LETM1: variants seen among roughly 807,000 people sequenced by gnomAD.
LETM1 encodes the protein mitochondrial proton/calcium exchanger protein.
Under a neutral mutation model 74.5 loss-of-function variants are expected in LETM1, and 50 were observed. The ratio of observed to expected loss-of-function variants is 0.67; its 90% confidence interval spans 0.53 to 0.85. The LOEUF is 0.85. LETM1 is among the 40% of genes least tolerant of loss of function. The pLI, the probability that LETM1 is intolerant of heterozygous loss-of-function variation, is 0.00. For synonymous variants in LETM1, 446 were observed against 407.1 expected, an observed-to-expected ratio of 1.10 and a Z score of -1.15; for missense variants, 824 against 967.8, an observed-to-expected ratio of 0.85 and a Z score of 1.97.
rs1156793086 is a variant in LETM1, at chr4:1,850,358, G to A, written c.83-1149C>T. Among the ~76,000 whole-genome samples the A allele has an allele frequency of 5.9e-4, 89 of 152,108 alleles. 1 individual carries two copies. Among genetic ancestry groups the A allele is most frequent in the Admixed American group, 5.7e-3 (87 of 15,266 alleles). On this transcript the variant is annotated intron_variant, in intron 1 of 13. Transcript: ENST00000302787. ...ATCCTGACTCCAGACACCCCAAGAG[G>A]GAAGCCAAGCAGGCCAGCCCTAGGG...
chr4:1,823,533 G>T, intron 8 of LETM1, 111 bp downstream of exon 8: 1 of 1,361,314 alleles, frequency 7.3e-7, no homozygotes. Context: ...TGGGAGGCAG[G>T]CTCCTCGCCC....
chr4:1,848,051 A>T (rs1283781002), intron 2 of LETM1, among the ~76,000 whole-genome samples: 1 of 152,042 alleles, frequency 6.6e-6, no homozygotes, highest in Non-Finnish European at 1.5e-5. Flanking sequence ...AAAAGACATA[A>T]GAAAACCAAT....
chr4:1,826,033 G>A (rs531462118), intron 6 of LETM1, among the ~76,000 whole-genome samples: 3 of 152,276 alleles, frequency 2.0e-5, no homozygotes, highest in South Asian at 2.1e-4. Flanking sequence ...AAAGAAGGAG[G>A]GATGGAAGGC....
chr4:1,833,073 CTTTT>C, intron 5 of LETM1, 126 bp from the exon 6 acceptor site: 1 of 632,000 alleles, frequency 1.6e-6, no homozygotes, highest in Admixed American at 2.9e-5. Context: ...ACTACTTCTT[CTTTT>C]TTTTTTTTGT....
At chr4:1,830,534 A>G (rs1023111896) in intron 6 of LETM1, among the ~76,000 whole-genome samples, 3 of 152,054 alleles carry the variant, frequency 2.0e-5, no homozygotes, top group Non-Finnish European at 4.4e-5. Context: ...GGGTCTCACT[A>G]TGTTGCCCAG....
chr4:1,847,638 G>A (rs1577327121), intron 2 of LETM1, among the ~76,000 whole-genome samples: 3 of 152,038 alleles, frequency 2.0e-5, no homozygotes, highest in South Asian at 4.2e-4. Flanking sequence ...TGGCTAATGT[G>A]GTGAAAATTT....
chr4:1,834,664 G>A lies in LETM1; in HGVS notation c.876+181C>T, dbSNP rs1712400282. 7.0e-7 allele frequency: 1 copy of A among 1,432,548 alleles called. No homozygotes were observed. The allele number at this position is 1,432,548 out of a possible 1,614,324, so 88.7% of individuals were successfully genotyped here. On this transcript the variant is annotated intron_variant, in intron 5 of 13. Transcript: ENST00000302787. The surrounding 1 kb of genome is among the most constrained non-coding windows in gnomAD (Gnocchi z 5.0). ...CGCAGCCACCACAGCTTAACTCACT[G>A]GGAGCTCGTGGGGGCAGACTCCTGA...
chr4:1,819,614 C>T (rs966668962), intron 10 of LETM1, 142 bp from the exon 11 acceptor site: 55 of 955,428 alleles, frequency 5.8e-5, no homozygotes, highest in Non-Finnish European at 7.9e-5. Context: ...ACAAGAGACC[C>T]GCGGGGTTCA....
rs1711840929 is a variant in LETM1 at position 1,822,985 on chromosome 4, T to C, written c.1476+3A>G. 1 of 1,560,662 alleles carries C rather than the reference T, an allele frequency of 6.4e-7. No individual in the cohort carries two copies. On this transcript the variant is annotated splice_donor_region_variant and intron_variant, in intron 9 of 13. Coordinates refer to ENST00000302787, the MANE Select transcript of LETM1 (RefSeq NM_012318.3). ...CGCGGCACGGAGCAGGACCACCGCTTACCGCCACCTCCGAGCGCTTCTGCA... is the reference window on the plus strand; with the variant it reads ...CGCGGCACGGAGCAGGACCACCGCTCACCGCCACCTCCGAGCGCTTCTGCA...
intron 2 of LETM1, among the ~76,000 whole-genome samples, chr4:1,845,371 C>T (rs756620594): frequency 2.6e-5 from 4 of 151,892 alleles, no homozygotes; most frequent in African/African-American, 7.3e-5. Context: ...TTTGGGAGGC[C>T]GAGGTAGGTG....
At chr4:1,825,442 G>GAGGTCAC in intron 7 of LETM1, 122 bp downstream of exon 7, 1 of 1,210,772 alleles carries the variant, frequency 8.3e-7, no homozygotes, top group Non-Finnish European at 1.2e-6. Flanking sequence ...CGTCCCCAGA[G>GAGGTCAC]AGGTCACAGT....
chr4:1,834,402 G>C lies in LETM1; in HGVS notation c.876+443C>G, dbSNP rs183692976. ...ATGACCGCAGGAAACCTCAAGGGCCGCTCCTCCTCTCCAGCCCCCACTGCT... is the reference window on the plus strand; with the variant it reads ...ATGACCGCAGGAAACCTCAAGGGCCCCTCCTCCTCTCCAGCCCCCACTGCT... On this transcript the variant is annotated intron_variant, in intron 5 of 13. Transcript: ENST00000302787. This position sits in a 1 kb window ranked among gnomAD's most constrained non-coding sequence, Gnocchi z 5.0. The C allele has an allele frequency of 1.0e-6, 1 of 992,856 alleles. No individual in the cohort carries two copies. Among genetic ancestry groups the C allele is most frequent in the African/African-American group, 1.7e-5 (1 of 57,456 alleles). The allele number at this position is 992,856 out of a possible 1,614,324, so 61.5% of individuals were successfully genotyped here. A position where few individuals can be genotyped will look rare whatever the true frequency, so the allele number is the denominator to read the frequency against.
rs575486702 is a variant in LETM1, at chr4:1,848,436, T to C, written c.143+713A>G. Reference sequence around the variant, plus strand: ...GGTGGCGGGCGCCTGTAGTTCCAGCTACTTGGGAGGCTGAGGCAGGAGGAT... The same window carrying C: ...GGTGGCGGGCGCCTGTAGTTCCAGCCACTTGGGAGGCTGAGGCAGGAGGAT... On this transcript the variant is annotated intron_variant, in intron 2 of 13. Coordinates refer to ENST00000302787, the MANE Select transcript of LETM1 (RefSeq NM_012318.3). Among the ~76,000 whole-genome samples the C allele has an allele frequency of 4.6e-5, 7 of 151,484 alleles. No individual in the cohort carries two copies. In the East Asian group the frequency reaches 1.4e-3, roughly 30 times the overall value.
rs146397866 is a variant in LETM1, at chr4:1,815,194, G to A, written c.2070+470C>T. Among the ~76,000 whole-genome samples, 510 of 152,324 alleles carry A rather than the reference G, an allele frequency of 3.3e-3. 6 individuals carry two copies. Among genetic ancestry groups the A allele is most frequent in the African/African-American group, 0.011 (472 of 41,578 alleles). ...GGGCTACCCTGGAACCTGAGTGGCT[G>A]CACTTGGGAGCTCAGCCCAGCAGTC... On this transcript the variant is annotated intron_variant, in intron 13 of 13. Transcript: ENST00000302787.
intron 7 of LETM1, among the ~76,000 whole-genome samples, chr4:1,824,402 C>A (rs1487205300): frequency 1.3e-5 from 2 of 152,186 alleles, no homozygotes; most frequent in Non-Finnish European, 2.9e-5. Context: ...GCACTCGGGC[C>A]CTTGCAGGCT....
chr4:1,841,380 G>T lies in LETM1; in HGVS notation c.561C>A (p.Asn187Lys). ...GCTCCCGGCGGGTCAGGCTGTGGCCGTTGAGGATGCGCCAGAGCATGCGTG... is the reference window on the plus strand; with the variant it reads ...GCTCCCGGCGGGTCAGGCTGTGGCCTTTGAGGATGCGCCAGAGCATGCGTG... ...IAARMLWRIL[N>K]GHSLTRRERR... The change falls in exon 3 of 14, where the codon AAC becomes AAA. Residue 187 changes from asparagine to lysine, a missense_variant. Coordinates refer to ENST00000302787, the MANE Select transcript of LETM1 (RefSeq NM_012318.3). 6.2e-7 allele frequency: 1 copy of T among 1,613,636 alleles called. No homozygotes were observed. The highest frequency in any genetic ancestry group is 1.7e-5 in the Admixed American group (1 of 60,028).
chr4:1,846,965 A>C (rs867281491), intron 2 of LETM1, among the ~76,000 whole-genome samples: 4 of 152,228 alleles, frequency 2.6e-5, no homozygotes, highest in African/African-American at 9.6e-5. Context: ...TCACTTAGAA[A>C]AGATAATGAA....
intron 8 of LETM1, 152 bp from the exon 9 acceptor site, chr4:1,823,283 A>C: frequency 1.8e-6 from 2 of 1,108,454 alleles, no homozygotes; most frequent in Non-Finnish European, 2.5e-6. Flanking sequence ...TGCTGCCCGC[A>C]ATTGCTGGGA....
At chr4:1,839,628 G>A (rs1343820058) in intron 3 of LETM1, among the ~76,000 whole-genome samples, 2 of 152,214 alleles carry the variant, frequency 1.3e-5, no homozygotes, top group Non-Finnish European at 2.9e-5. Flanking sequence ...GATAATGTTA[G>A]GTGTGTCAGG....
Sources: allele counts gnomAD v4.1 joint callset (sites outside exome capture counted in the v4.1 genomes callset), GRCh38; gene constraint gnomAD v4.1.1; non-coding constraint Gnocchi (gnomAD v3.1); transcripts MANE v1.5; gene names NCBI Gene and HGNC (gene_info 2026-07-23, HGNC 2026-07-21).